Variants in SPAG17 observed in about 807,000 individuals in gnomAD.
The protein encoded by SPAG17 is sperm-associated antigen 17.
SPAG17 carries 169 observed loss-of-function variants against 273.6 expected under a neutral mutation model. The observed-to-expected ratio is 0.62, with a 90% CI of 0.55 to 0.70. The LOEUF (loss-of-function observed/expected upper bound fraction) is 0.70. Among genes scored for constraint, SPAG17 ranks in the 30% least tolerant of loss-of-function variants. The probability of loss-of-function intolerance (pLI) is 0.00; values close to 1 mark genes in which losing one functional copy is unlikely to be tolerated. For missense variants in SPAG17, 2,557 were observed against 2,627.8 expected (o/e 0.97, Z 0.59); for synonymous variants, 825 against 873.2 (o/e 0.94, Z 0.97).
intron 3 of SPAG17, among the ~76,000 whole-genome samples, chr1:118,139,004 G>C (rs926983422): frequency 6.6e-6 from 1 of 151,780 alleles, no homozygotes; most frequent in Non-Finnish European, 1.5e-5. Flanking sequence ...TGTAATAGAA[G>C]ATATTTTTAA....
chr1:118,166,830 T>C (rs1402544091), intron 1 of SPAG17, among the ~76,000 whole-genome samples: 2 of 152,196 alleles, frequency 1.3e-5, no homozygotes, highest in East Asian at 3.9e-4. Flanking sequence ...AAAGCTTTAT[T>C]AATAGTGATT....
intron 4 of SPAG17, among the ~76,000 whole-genome samples, chr1:118,111,553 AACACAC>A (rs61266210): frequency 1.3e-3 from 176 of 135,928 alleles, no homozygotes; most frequent in East Asian, 0.012. Flanking sequence ...CTTTTAAAAC[AACACAC>A]ACACACACAC....
intron 43 of SPAG17, among the ~76,000 whole-genome samples, chr1:117,974,766 A>C (rs552392723): frequency 6.6e-6 from 1 of 152,190 alleles, no homozygotes; most frequent in Non-Finnish European, 1.5e-5. Context: ...ATAGTATTTT[A>C]GATCATGGTA....
At chr1:118,084,924 G>A (rs1024700551) in intron 13 of SPAG17, among the ~76,000 whole-genome samples, 2 of 152,092 alleles carry the variant, frequency 1.3e-5, no homozygotes, top group African/African-American at 4.8e-5. Context: ...GTTTCTTTCA[G>A]TTAGGAAATT....
At chr1:117,988,821 T>C (rs889540073) in intron 38 of SPAG17, among the ~76,000 whole-genome samples, 1 of 152,214 alleles carries the variant, frequency 6.6e-6, no homozygotes, top group African/African-American at 2.4e-5. Context: ...ATATGAAGCA[T>C]TATCCAAACT....
At chr1:118,150,418 A>G (rs898509889) in intron 3 of SPAG17, 125 bp downstream of exon 3, 5 of 474,934 alleles carry the variant, frequency 1.1e-5, no homozygotes, top group Non-Finnish European at 1.8e-5. Flanking sequence ...ATCAGGAACA[A>G]ATATCTCCAA....
chr1:117,989,096 GTATAGGGCCCCTGGT>G (rs991487832), intron 38 of SPAG17, among the ~76,000 whole-genome samples: 1 of 152,118 alleles, frequency 6.6e-6, no homozygotes, highest in African/African-American at 2.4e-5. Flanking sequence ...GCCAGATAAA[GTATAGGGCCCCTGGT>G]TAAATTTGAA....
chr1:118,047,729 C>A (rs1650527923), intron 20 of SPAG17, among the ~76,000 whole-genome samples: 1 of 152,184 alleles, frequency 6.6e-6, no homozygotes, highest in African/African-American at 2.4e-5. Context: ...CCAGGCAAAC[C>A]TCTGCAGCCC....
At chr1:118,131,487 C>T (rs377578389) in intron 3 of SPAG17, among the ~76,000 whole-genome samples, 8 of 152,338 alleles carry the variant, frequency 5.3e-5, no homozygotes, top group African/African-American at 1.9e-4. Context: ...ATAATACATA[C>T]TTTATTTATC....
At chr1:118,071,596 G>A (rs564150445) in intron 17 of SPAG17, among the ~76,000 whole-genome samples, 63 of 152,166 alleles carry the variant, frequency 4.1e-4, no homozygotes, top group African/African-American at 1.5e-3. Context: ...GTTGCAGTGA[G>A]CCAAGATCAT....
At chr1:118,154,611 A>T (rs538887007) in intron 1 of SPAG17, among the ~76,000 whole-genome samples, 2 of 152,110 alleles carry the variant, frequency 1.3e-5, no homozygotes, top group Non-Finnish European at 2.9e-5. Flanking sequence ...TAGAAATAAA[A>T]AACTTGAAAA....
intron 3 of SPAG17, among the ~76,000 whole-genome samples, chr1:118,127,839 G>A (rs1657825242): frequency 6.6e-6 from 1 of 152,072 alleles, no homozygotes; most frequent in Non-Finnish European, 1.5e-5. Flanking sequence ...TTGATTCCTA[G>A]GTGGCTGGGC....
intron 1 of SPAG17, among the ~76,000 whole-genome samples, chr1:118,154,158 C>T (rs1659529263): frequency 6.6e-6 from 1 of 152,156 alleles, no homozygotes; most frequent in South Asian, 2.1e-4. Flanking sequence ...AGCTGGGTTC[C>T]AGGCCACGTC....
chr1:118,011,973 AT>A (rs940426671), intron 30 of SPAG17, among the ~76,000 whole-genome samples: 2 of 151,954 alleles, frequency 1.3e-5, no homozygotes, highest in Non-Finnish European at 2.9e-5. Context: ...TTATATATAT[AT>A]ATACACAATA....
At chr1:118,056,563 A>G (rs1002433242) in intron 18 of SPAG17, among the ~76,000 whole-genome samples, 2 of 152,214 alleles carry the variant, frequency 1.3e-5, no homozygotes, top group Admixed American at 6.5e-5. Flanking sequence ...AATATTATAT[A>G]CACTTATATG....
chr1:118,099,697 G>T lies in SPAG17; in HGVS notation c.738C>A (p.Ser246Arg). ...IMAELGIPIT[S>R]VIKISSENYE... ...AATTCTCTGAAGATATTTTAATCAC[G>T]CTGGTTATAGGAATGCCAAGCTCAG... is the stretch of plus-strand genomic sequence containing the variant. Residue 246 changes from serine to arginine, a missense_variant, in exon 6 of 49, where the codon AGC becomes AGA. Transcript: ENST00000336338. 1 of 1,613,894 alleles carries T rather than the reference G, an allele frequency of 6.2e-7. No individual in the cohort carries two copies. The highest frequency in any genetic ancestry group is 8.5e-7 in the Non-Finnish European group (1 of 1,179,892).
In SPAG17 at chr1:118,041,978, T is replaced by C. The variant is rs771898732; in HGVS notation, c.2879A>G (p.Glu960Gly). Reference sequence around the variant, plus strand: ...TTTACCAGCTTCTTTACCCTTCTTCTCTGCTTTCTTTTCTTCCCTTAAGCG... The same window carrying C: ...TTTACCAGCTTCTTTACCCTTCTTCCCTGCTTTCTTTTCTTCCCTTAAGCG... ...EERLREEKKAEKKGKEAGKKK... is the reference protein window; with the variant it reads ...EERLREEKKAGKKGKEAGKKK... The change falls in exon 21 of 49, where the codon GAG becomes GGG. Residue 960 changes from glutamate to glycine, a missense_variant. By Grantham distance (98) the Glu-to-Gly change is moderately conservative. Coordinates refer to ENST00000336338, the MANE Select transcript of SPAG17 (RefSeq NM_206996.4). 10 of 1,613,934 alleles carry C rather than the reference T, an allele frequency of 6.2e-6. No individual in the cohort carries two copies. In the Admixed American group the frequency reaches 1.5e-4, roughly 24 times the overall value.
chr1:118,073,682 G>A (rs953115509), intron 17 of SPAG17, among the ~76,000 whole-genome samples, 172 bp downstream of exon 17: 9 of 151,814 alleles, frequency 5.9e-5, no homozygotes, highest in African/African-American at 1.7e-4. Flanking sequence ...TTAGAGAGTC[G>A]CTGGGAATGC....
chr1:118,070,718 G>A lies in SPAG17; in HGVS notation c.2385+3136C>T, dbSNP rs563265505. 4.6e-5 allele frequency among the ~76,000 whole-genome samples: 7 copies of A among 152,270 alleles called. No homozygotes were observed. The South Asian group carries it at 1.5e-3, about 32-fold the overall frequency. On this transcript the variant is annotated intron_variant, in intron 17 of 48. Transcript: ENST00000336338. ...GTTAATGATATATTATATTTAACCTGATAGATAAAAATTCTTATCATTTCA... is the reference window on the plus strand; with the variant it reads ...GTTAATGATATATTATATTTAACCTAATAGATAAAAATTCTTATCATTTCA...
Sources: gnomAD v4.1 joint callset for allele counts (sites outside exome capture counted in the v4.1 genomes callset) on GRCh38, gnomAD v4.1.1 for gene constraint, MANE v1.5 for transcripts, NCBI Gene and HGNC (gene_info 2026-07-23, HGNC 2026-07-21) for gene names.